The following SMARCD3 variants were observed in gnomAD, a reference collection of about 807,000 sequenced individuals.
The protein encoded by SMARCD3 is SWI/SNF related BAF chromatin remodeling complex subunit D3.
SMARCD3 carries 14 observed loss-of-function variants against 58.0 expected under a neutral mutation model. The ratio of observed to expected loss-of-function variants is 0.24; its 90% CI spans 0.16 to 0.38. The LOEUF (loss-of-function observed/expected upper bound fraction) is 0.38. Among genes scored for constraint, SMARCD3 ranks in the 10% least tolerant of loss-of-function variants. The probability of loss-of-function intolerance (pLI) is 1.00; values close to 1 mark genes in which losing one functional copy is unlikely to be tolerated. For synonymous variants in SMARCD3, 253 were observed against 253.8 expected, an observed-to-expected ratio of 1.00 and a Z score of 0.03; for missense variants, 408 against 636.9, an observed-to-expected ratio of 0.64 and a Z score of 3.87.
chr7:151,240,626 A>T, intron 8 of SMARCD3, 104 bp from the exon 9 acceptor site: 3 of 741,578 alleles, frequency 4.0e-6, no homozygotes, highest in African/African-American at 1.8e-5. Context: ...GCTGAGAGGA[A>T]GTCTGATTCC....
upstream of SMARCD3, among the ~76,000 whole-genome samples, chr7:151,253,458 G>A (rs1293640495): frequency 1.3e-5 from 2 of 152,162 alleles, no homozygotes; most frequent in African/African-American, 4.8e-5. Context: ...AGGTGCATGC[G>A]AAGGTTAGTG....
chr7:151,255,393 T>C (rs534112282), intron 2 of SMARCD3, among the ~76,000 whole-genome samples: 8 of 152,276 alleles, frequency 5.3e-5, no homozygotes, highest in Admixed American at 1.3e-4. Context: ...TGGCCCCCCA[T>C]TGCCCCTCAC....
chr7:151,245,596 C>G lies in SMARCD3; in HGVS notation c.154G>C (p.Gly52Arg). ...AGGCCGGGTCGCACGGCGGGGCTGC[C>G]CATGTACGGGGAGCCCGGGGGGCCC... ...PMGPPGSPYM[G>R]SPAVRPGLAP... The change falls in exon 2 of 13, where the codon GGC (glycine) becomes CGC (arginine). Residue 52 changes from glycine (G) to arginine (R), a missense_variant. Physicochemically the swap from Gly to Arg is moderately radical, Grantham distance 125. This residue lies in a region of SMARCD3 where 84 missense variants were observed against 81.2 expected (regional missense o/e 1.03). Coordinates refer to ENST00000262188, the MANE Select transcript of SMARCD3 (RefSeq NM_001003801.2). This position sits in a 1 kb window ranked among gnomAD's most constrained non-coding sequence, Gnocchi z 6.2. The G allele has an allele frequency of 8.5e-7, 1 of 1,171,934 alleles. No homozygotes were observed. The highest frequency in any genetic ancestry group is 1.1e-6 in the Non-Finnish European group (1 of 933,994). 72.6% of individuals were successfully genotyped at this position (1,171,934 alleles called of 1,614,324 possible). A position where few individuals can be genotyped will look rare whatever the true frequency, so the allele number is the denominator to read the frequency against.
chr7:151,255,182 G>A (rs186827832), intron 2 of SMARCD3, among the ~76,000 whole-genome samples: 2 of 152,094 alleles, frequency 1.3e-5, no homozygotes, highest in East Asian at 3.9e-4. Context: ...CTCAACTCCT[G>A]CACTTTGAGC....
At chr7:151,270,260 C>A (rs936444846) in intron 2 of SMARCD3, among the ~76,000 whole-genome samples, 1 of 152,152 alleles carries the variant, frequency 6.6e-6, no homozygotes, top group African/African-American at 2.4e-5. Context: ...GGGCACAGGG[C>A]AGCTCAGGCG....
upstream of SMARCD3, among the ~76,000 whole-genome samples, chr7:151,252,509 T>A (rs963554967): frequency 1.3e-5 from 2 of 151,248 alleles, no homozygotes; most frequent in Non-Finnish European, 3.0e-5. Context: ...AGGGAGAAAG[T>A]GAGACCACTT....
upstream of SMARCD3, among the ~76,000 whole-genome samples, chr7:151,253,636 T>C (rs1803601381): frequency 6.6e-6 from 1 of 152,058 alleles, no homozygotes; most frequent in Non-Finnish European, 1.5e-5. Context: ...GGAAGGCACA[T>C]TTTGGATTCA....
chr7:151,247,117 C>G (rs1803304953), intron 1 of SMARCD3, among the ~76,000 whole-genome samples: 2 of 152,182 alleles, frequency 1.3e-5, no homozygotes, highest in African/African-American at 4.8e-5. Context: ...CCCACCTGAC[C>G]CTGTCACTCA....
rs1357353730 is a variant in SMARCD3, at chr7:151,267,468, G to A, written c.39+7646C>T. 2.0e-5 allele frequency among the ~76,000 whole-genome samples: 3 copies of A among 152,314 alleles called. No homozygotes were observed. In the East Asian group the frequency reaches 5.8e-4, roughly 29 times the overall value. On this transcript the variant is annotated intron_variant, in intron 2 of 13. Transcript: ENST00000356800. The stretch of plus-strand genomic sequence containing the variant: ...CCCCATTCGTTATCGAATGTACTGC[G>A]AAGTCCTCAGGGGTTGGTACTCCGG...
Position 151,267,321 on chromosome 7 carries a change from G to A in SMARCD3, c.39+7793C>T, listed in dbSNP as rs562371301. The stretch of plus-strand genomic sequence containing the variant: ...CATTTTAAAGACAGGAACACAAGGC[G>A]TAGAGAGTTCTTTAAAGACTGATTC... On this transcript the variant is annotated intron_variant, in intron 2 of 13. Coordinates refer to the SMARCD3 transcript ENST00000356800. Among the ~76,000 whole-genome samples, 110 of 152,360 alleles carry A rather than the reference G, an allele frequency of 7.2e-4. 1 individual carries two copies. Among genetic ancestry groups the A allele is most frequent in the South Asian group, 6.0e-3 (29 of 4,832 alleles).
intron 2 of SMARCD3, among the ~76,000 whole-genome samples, chr7:151,256,164 G>T (rs753081444): frequency 6.7e-6 from 1 of 149,050 alleles, no homozygotes; most frequent in Non-Finnish European, 1.5e-5. Flanking sequence ...TTACAGGCAT[G>T]AGCCACTGCG....
chr7:151,239,022 G>A lies in SMARCD3; in HGVS notation c.*81C>T. On this transcript the variant is annotated 3_prime_UTR_variant, in exon 13 of 13. Coordinates refer to ENST00000262188, the MANE Select transcript of SMARCD3 (RefSeq NM_001003801.2). The surrounding 1 kb of genome is among the most constrained non-coding windows in gnomAD (Gnocchi z 7.0). ...AGCCCCACACCCCAAGGTGGCAGAG[G>A]AGTGATGCTGGAGCCCGGGGCAAAA... 2 of 1,371,384 alleles carry A rather than the reference G, an allele frequency of 1.5e-6. No individual in the cohort carries two copies. The allele number at this position is 1,371,384 out of a possible 1,614,324, so 85.0% of individuals were successfully genotyped here.
At position 151,239,817 on chromosome 7, in the gene SMARCD3, T is replaced by A; in HGVS notation, c.1174-71A>T. 7.2e-7 allele frequency: 1 copy of A among 1,397,156 alleles called. No homozygotes were observed. Among genetic ancestry groups the A allele is most frequent in the Non-Finnish European group, 1.0e-6 (1 of 992,736 alleles). 86.5% of individuals were successfully genotyped at this position (1,397,156 alleles called of 1,614,324 possible). ...GGGAGACGAGGGGAAAGGAAGCGGG[T>A]GGGAAGGGGAGGGAGAGGGGGTTTC... is the stretch of plus-strand genomic sequence containing the variant. On this transcript the variant is annotated intron_variant, in intron 10 of 12. Transcript: ENST00000262188. This position sits in a 1 kb window ranked among gnomAD's most constrained non-coding sequence, Gnocchi z 7.0.
intron 2 of SMARCD3, among the ~76,000 whole-genome samples, chr7:151,257,469 G>A (rs541200074): frequency 5.9e-5 from 9 of 152,260 alleles, no homozygotes; most frequent in African/African-American, 1.9e-4. Context: ...TGGGACTACA[G>A]GCACCCGCCA....
chr7:151,260,677 A>C (rs1415863942), intron 2 of SMARCD3, among the ~76,000 whole-genome samples: 1 of 152,090 alleles, frequency 6.6e-6, no homozygotes, highest in Non-Finnish European at 1.5e-5. Flanking sequence ...CGTTACCCCG[A>C]CATAGCCAAG....
intron 2 of SMARCD3, among the ~76,000 whole-genome samples, chr7:151,268,032 C>G (rs56366900): frequency 0.19 from 28,663 of 152,138 alleles, 3,345 homozygotes; most frequent in Non-Finnish European, 0.27. Flanking sequence ...GTTTCTCAAA[C>G]TGGGGGCCCT....
Position 151,248,542 on chromosome 7 carries a change from G to C in SMARCD3, c.21C>G (p.Ala7=). The C allele has an allele frequency of 6.2e-7, 1 of 1,613,576 alleles. No homozygotes were observed. Among genetic ancestry groups the C allele is most frequent in the Non-Finnish European group, 8.5e-7 (1 of 1,179,720 alleles). The change falls in exon 1 of 13, where the codon GCC becomes GCG. Residue 7 remains alanine (A), a synonymous_variant. Transcript: ENST00000262188. The surrounding 1 kb of genome is among the most constrained non-coding windows in gnomAD (Gnocchi z 6.1). MAADEV[A]GGARKATKSK... is the part of the protein sequence containing the mutation. ...TTTTCGTGGCTTTGCGCGCCCCTCC[G>C]GCAACTTCGTCCGCGGCCATCGGGG...
chr7:151,252,436 T>TGA (rs1339559794), upstream of SMARCD3, among the ~76,000 whole-genome samples: 4 of 133,052 alleles, frequency 3.0e-5, no homozygotes, highest in Non-Finnish European at 6.6e-5. Context: ...TGTGTGTGTG[T>TGA]GTGTGAGAGA....
At chr7:151,274,160 G>A (rs1057409395) in intron 2 of SMARCD3, among the ~76,000 whole-genome samples, 4 of 152,352 alleles carry the variant, frequency 2.6e-5, no homozygotes, top group Admixed American at 1.3e-4. Flanking sequence ...CTCCAAGGCC[G>A]CAGGCCCTGA....
Sources: gnomAD v4.1 joint callset for allele counts (sites outside exome capture counted in the v4.1 genomes callset) on GRCh38, gnomAD v4.1.1 for gene constraint, gnomAD v4.1.1 regional missense constraint, Gnocchi (gnomAD v3.1) non-coding constraint, MANE v1.5 for transcripts, NCBI Gene and HGNC (gene_info 2026-07-23, HGNC 2026-07-21) for gene names.